The following ARHGAP25 variants were observed in gnomAD, a reference collection of about 807,000 sequenced individuals.
The protein encoded by ARHGAP25 is rho GTPase-activating protein 25.
A neutral mutation model predicts 71.0 loss-of-function variants in ARHGAP25; 34 were observed. The observed-to-expected ratio is 0.48, with a 90% CI of 0.36 to 0.64. ARHGAP25 has a LOEUF of 0.64. ARHGAP25 is among the 30% of genes least tolerant of loss of function. The pLI, the probability that ARHGAP25 is intolerant of heterozygous loss-of-function variation, is 0.00. For missense variants in ARHGAP25, 706 were observed against 805.1 expected, an observed-to-expected ratio of 0.88 and a Z score of 1.49; for synonymous variants, 282 against 296.5, an observed-to-expected ratio of 0.95 and a Z score of 0.50.
At chr2:68,799,693 T>G (rs1312075482) in intron 4 of ARHGAP25, among the ~76,000 whole-genome samples, 1 of 152,168 alleles carries the variant, frequency 6.6e-6, no homozygotes, top group Non-Finnish European at 1.5e-5. Flanking sequence ...TGTTCACTGT[T>G]TAAAAGCTGG....
intron 10 of ARHGAP25, among the ~76,000 whole-genome samples, chr2:68,825,427 C>T (rs1457436322): frequency 2.6e-5 from 4 of 152,028 alleles, no homozygotes; most frequent in African/African-American, 7.2e-5. Context: ...AAACATTAAA[C>T]GACATGAGAA....
chr2:68,743,198 C>A (rs115758984), intron 1 of ARHGAP25, among the ~76,000 whole-genome samples: 121 of 152,314 alleles, frequency 7.9e-4, no homozygotes, highest in African/African-American at 2.8e-3. Flanking sequence ...TCCTCCATGA[C>A]TTAGTGCTTC....
chr2:68,762,519 A>C (rs1006701571), intron 1 of ARHGAP25, among the ~76,000 whole-genome samples: 1 of 152,158 alleles, frequency 6.6e-6, no homozygotes, highest in East Asian at 1.9e-4. Flanking sequence ...AGATGTGCTA[A>C]GCCAGAGGGA....
intron 4 of ARHGAP25, among the ~76,000 whole-genome samples, chr2:68,798,804 A>G (rs1219274963): frequency 6.6e-6 from 1 of 152,232 alleles, no homozygotes; most frequent in Non-Finnish European, 1.5e-5. Context: ...TAGCATGTGC[A>G]AAGGTCCTGT....
At chr2:68,723,315 G>A (rs1232523337) in intron 2 of ARHGAP25, among the ~76,000 whole-genome samples, 1 of 152,200 alleles carries the variant, frequency 6.6e-6, no homozygotes, top group Non-Finnish European at 1.5e-5. Flanking sequence ...TCGGGGGCAG[G>A]GAGCCTATAA....
chr2:68,774,825 T>C (rs1677751181), intron 1 of ARHGAP25: 1 of 1,133,924 alleles, frequency 8.8e-7, no homozygotes, highest in Non-Finnish European at 1.1e-6. Context: ...TGAGGCATTA[T>C]TTTCTCCTCT....
At chr2:68,775,059 CG>C (rs1168954189) in intron 1 of ARHGAP25, 161 bp from the exon 2 acceptor site, 7 of 1,528,268 alleles carry the variant, frequency 4.6e-6, no homozygotes, top group East Asian at 2.3e-5. Flanking sequence ...TTCTCTGGCT[CG>C]GGGGGGACTT....
chr2:68,826,029 G>C lies in ARHGAP25; in HGVS notation c.1776G>C (p.Arg592Ser). Residue 592 changes from arginine to serine, a missense_variant, in exon 11 of 11, where the codon AGG becomes AGC. Coordinates refer to ENST00000409202, the MANE Select transcript of ARHGAP25 (RefSeq NM_001007231.3). ...ATGACGTTTGGGCTAAAGTGGTGAG[G>C]CTCAATGAAGAACTGGAGAAGGAAA... ...ENYDVWAKVV[R>S]LNEELEKEKK... 2 of 1,613,976 alleles carry C rather than the reference G, an allele frequency of 1.2e-6. No homozygotes were observed. The highest frequency in any genetic ancestry group is 1.7e-6 in the Non-Finnish European group (2 of 1,180,000).
At chr2:68,763,516 A>G (rs1392827696) in intron 1 of ARHGAP25, among the ~76,000 whole-genome samples, 1 of 152,176 alleles carries the variant, frequency 6.6e-6, no homozygotes, top group Non-Finnish European at 1.5e-5. Flanking sequence ...TAAGAATGTG[A>G]TCTTCTGTTC....
At chr2:68,741,405 G>A (rs917232214) in intron 1 of ARHGAP25, among the ~76,000 whole-genome samples, 3 of 152,194 alleles carry the variant, frequency 2.0e-5, no homozygotes, top group African/African-American at 7.2e-5. Context: ...TAAGACAGGA[G>A]TGCAACTTAC....
chr2:68,796,601 T>C (rs7574676), intron 4 of ARHGAP25, among the ~76,000 whole-genome samples: 1,844 of 152,326 alleles, frequency 0.012, 34 homozygotes, highest in African/African-American at 0.042. Flanking sequence ...ATGATTTCCT[T>C]GGTCATAAAT....
At chr2:68,815,752 C>T (rs2103681421) in intron 6 of ARHGAP25, among the ~76,000 whole-genome samples, 1 of 152,208 alleles carries the variant, frequency 6.6e-6, no homozygotes, top group East Asian at 1.9e-4. Flanking sequence ...TAGACCTTGC[C>T]TGACATCCAC....
At chr2:68,726,476 C>A (rs995144227) in intron 2 of ARHGAP25, among the ~76,000 whole-genome samples, 1 of 152,192 alleles carries the variant, frequency 6.6e-6, no homozygotes, top group Non-Finnish European at 1.5e-5. Context: ...CCCCTGGGAA[C>A]GAATTTCCCA....
At chr2:68,775,165 CTT>C (rs1224464967) in intron 1 of ARHGAP25, 54 bp from the exon 2 acceptor site, 9 of 1,613,922 alleles carry the variant, frequency 5.6e-6, no homozygotes, top group Non-Finnish European at 6.8e-6. Flanking sequence ...TCCGCCCACT[CTT>C]TGCTCACTGC....
Position 68,822,460 on chromosome 2 carries a change from A to C in ARHGAP25, c.1321A>C (p.Thr441Pro). 6.2e-7 allele frequency: 1 copy of C among 1,614,170 alleles called. No individual in the cohort carries two copies. Among genetic ancestry groups the C allele is most frequent in the African/African-American group, 1.3e-5 (1 of 75,038 alleles). ...CTGGAAAATGCAATCTCGTAAAAGG[A>C]CTCAAACACTCCCTAACCGGAAATG... Reference protein sequence around the residue: ...GDWKMQSRKRTQTLPNRKCFL... With the variant: ...GDWKMQSRKRPQTLPNRKCFL... The change falls in exon 10 of 11, where the codon ACT becomes CCT. Residue 441 changes from threonine to proline, a missense_variant. Transcript: ENST00000409202.
intron 4 of ARHGAP25, among the ~76,000 whole-genome samples, chr2:68,805,148 G>C (rs10190115): frequency 0.027 from 4,120 of 152,190 alleles, 188 homozygotes; most frequent in African/African-American, 0.093. Context: ...GGAAGGGGGA[G>C]AGCAGACTGG....
chr2:68,793,290 TTTA>T (rs1190452750), intron 4 of ARHGAP25, among the ~76,000 whole-genome samples: 2 of 152,192 alleles, frequency 1.3e-5, no homozygotes, highest in African/African-American at 4.8e-5. Context: ...GTCCTATTTG[TTTA>T]TTTTTATTTT....
chr2:68,741,287 G>A (rs531014396), intron 1 of ARHGAP25, among the ~76,000 whole-genome samples: 2 of 152,176 alleles, frequency 1.3e-5, no homozygotes, highest in Non-Finnish European at 2.9e-5. Context: ...AATGGAGAAC[G>A]CCAGCAACTT....
rs1675136045 is a variant in ARHGAP25 at position 68,735,118 on chromosome 2, G to C, written c.-82G>C. 2 of 1,181,504 alleles carry C rather than the reference G, an allele frequency of 1.7e-6. No homozygotes were observed. Among genetic ancestry groups the C allele is most frequent in the African/African-American group, 3.0e-5 (2 of 66,180 alleles). The allele number at this position is 1,181,504 out of a possible 1,614,324, so 73.2% of individuals were successfully genotyped here. A position where few individuals can be genotyped will look rare whatever the true frequency, so the allele number is the denominator to read the frequency against. ...GAACAAAAACAGACACAAAAACAGA[G>C]GGAAAGAGTGAAAAGACAAGAAGGG... On this transcript the variant is annotated 5_prime_UTR_variant, in exon 1 of 11. Transcript: ENST00000409202.
Sources: gnomAD v4.1 joint callset for allele counts (sites outside exome capture counted in the v4.1 genomes callset) on GRCh38, gnomAD v4.1.1 for gene constraint, MANE v1.5 for transcripts, NCBI Gene and HGNC (gene_info 2026-07-23, HGNC 2026-07-21) for gene names.